HERC3: variants seen among roughly 807,000 people sequenced by gnomAD.
HERC3 encodes probable E3 ubiquitin-protein ligase HERC3.
HERC3 carries 58 observed loss-of-function variants against 129.9 expected under a neutral mutation model. The ratio of observed to expected loss-of-function variants is 0.45; its 90% CI spans 0.36 to 0.56. HERC3 has a LOEUF of 0.56. Among genes scored for constraint, HERC3 ranks in the 20% least tolerant of loss-of-function variants. The probability of loss-of-function intolerance (pLI) is 0.00; values close to 1 mark genes in which losing one functional copy is unlikely to be tolerated. For synonymous variants in HERC3, 430 were observed against 451.0 expected, an observed-to-expected ratio of 0.95 and a Z score of 0.59; for missense variants, 835 against 1,244.2, an observed-to-expected ratio of 0.67 and a Z score of 4.95.
At chr4:88,633,798 A>G (rs1338581201) in intron 3 of HERC3, among the ~76,000 whole-genome samples, 4 of 152,222 alleles carry the variant, frequency 2.6e-5, no homozygotes, top group Non-Finnish European at 5.9e-5. Context: ...TGATATTGGA[A>G]GATTATTAAA....
chr4:88,602,903 C>G (rs1230297098), intron 2 of HERC3, among the ~76,000 whole-genome samples: 1 of 152,214 alleles, frequency 6.6e-6, no homozygotes, highest in Admixed American at 6.5e-5. Context: ...GTTCTCTTAT[C>G]ATGCCTCATC....
At chr4:88,661,683 A>G (rs1234824513) in intron 10 of HERC3, among the ~76,000 whole-genome samples, 1 of 152,232 alleles carries the variant, frequency 6.6e-6, no homozygotes, top group Non-Finnish European at 1.5e-5. Flanking sequence ...TCACTGAATA[A>G]AAGATGTACA....
intron 2 of HERC3, among the ~76,000 whole-genome samples, chr4:88,597,107 T>C (rs1489159495): frequency 6.6e-6 from 1 of 152,264 alleles, no homozygotes; most frequent in Non-Finnish European, 1.5e-5. Context: ...TTTCAAATAA[T>C]GCTGGAATGA....
In HERC3 at chr4:88,663,687, A is replaced by G. The variant is rs112052095; in HGVS notation, c.1272-466A>G. Among the ~76,000 whole-genome samples the G allele has an allele frequency of 6.6e-3, 1,001 of 152,336 alleles. 9 individuals are homozygous for G. Among genetic ancestry groups the G allele is most frequent in the African/African-American group, 0.023 (962 of 41,564 alleles). On this transcript the variant is annotated intron_variant, in intron 11 of 25. Coordinates refer to ENST00000402738, the MANE Select transcript of HERC3 (RefSeq NM_014606.3). ...GCCTGTATAATAGAAGGTAATGGGA[A>G]TAAGCACTTGTTTCACTATTTTTTA...
At chr4:88,591,073 T>G (rs755901099), upstream of HERC3, among the ~76,000 whole-genome samples, 1 of 151,950 alleles carries the variant, frequency 6.6e-6, no homozygotes, top group Non-Finnish European at 1.5e-5. Context: ...TATTTTTTTT[T>G]GTAGAGACAA....
the HERC3 span, among the ~76,000 whole-genome samples, chr4:88,550,747 C>T: frequency 2.7e-5 from 4 of 149,500 alleles, no homozygotes; most frequent in Non-Finnish European, 6.0e-5. Flanking sequence ...CCCCATCAAG[C>T]TACCAATGAC....
chr4:88,610,350 G>C lies in HERC3; in HGVS notation c.226+4301G>C, dbSNP rs190594118. ...TGCCTGTAATCCCAGTTACTCAGGA[G>C]GCTAAGGGAGGAGAATTGCTTGAAC... On this transcript the variant is annotated intron_variant, in intron 3 of 25. Coordinates refer to ENST00000402738, the MANE Select transcript of HERC3 (RefSeq NM_014606.3). Among the ~76,000 whole-genome samples the C allele has an allele frequency of 7.9e-5, 12 of 152,086 alleles. No individual in the cohort carries two copies. In the East Asian group the frequency reaches 2.3e-3, roughly 29 times the overall value.
chr4:88,626,829 C>G (rs1251539510), intron 3 of HERC3, among the ~76,000 whole-genome samples: 1 of 151,812 alleles, frequency 6.6e-6, no homozygotes, highest in African/African-American at 2.4e-5. Flanking sequence ...TTTTATTAAT[C>G]TTTTTAAATA....
the HERC3 span, among the ~76,000 whole-genome samples, chr4:88,568,516 T>C: frequency 6.6e-6 from 1 of 152,036 alleles, no homozygotes; most frequent in African/African-American, 2.4e-5. Flanking sequence ...CTCACTCTTC[T>C]TTTTTCTTTT....
chr4:88,693,761 C>T lies in HERC3; in HGVS notation c.2657+6462C>T, dbSNP rs936712135. 1.3e-5 allele frequency: 10 copies of T among 774,142 alleles called. No individual in the cohort carries two copies. In the South Asian group the frequency reaches 2.4e-4, roughly 18 times the overall value. The allele number at this position is 774,142 out of a possible 1,614,324, so 48.0% of individuals were successfully genotyped here. A position where few individuals can be genotyped will look rare whatever the true frequency, so the allele number is the denominator to read the frequency against. ...TTTTTCACAGTAAGCATCGGCATGC[C>T]AGTTTTCTGCGTAATACTCAGAGAG... On this transcript the variant is annotated intron_variant, in intron 23 of 25. Coordinates refer to ENST00000402738, the MANE Select transcript of HERC3 (RefSeq NM_014606.3).
the HERC3 span, among the ~76,000 whole-genome samples, chr4:88,580,749 T>C: frequency 6.6e-6 from 1 of 152,142 alleles, no homozygotes; most frequent in South Asian, 2.1e-4. Flanking sequence ...CAATTATAAT[T>C]CTCTTCTATG....
chr4:88,649,714 A>G lies in HERC3; in HGVS notation c.227-126A>G, dbSNP rs141037192. 626 of 728,056 alleles carry G rather than the reference A, an allele frequency of 8.6e-4. 1 individual carries two copies. Among genetic ancestry groups the G allele is most frequent in the Non-Finnish European group, 1.3e-3 (568 of 448,388 alleles). The allele number at this position is 728,056 out of a possible 1,614,324, so 45.1% of individuals were successfully genotyped here. On this transcript the variant is annotated intron_variant, in intron 3 of 25. Transcript: ENST00000402738. ...GAAATATGTGAAATTTATAATCTCTATAAATATTCAGATTAAGTGGTTCTT... is the reference window on the plus strand; with the variant it reads ...GAAATATGTGAAATTTATAATCTCTGTAAATATTCAGATTAAGTGGTTCTT...
rs1735895188 is a variant in HERC3 at position 88,707,781 on chromosome 4, A to G, written c.*821A>G. On this transcript the variant is annotated 3_prime_UTR_variant, in exon 26 of 26. Transcript: ENST00000402738. The stretch of plus-strand genomic sequence containing the variant: ...CACTCTCGCTTTTGGAGCAAGTTGC[A>G]TTAACTATTTTGAGTCTCTATATTG... 1 of 152,496 alleles carries G rather than the reference A, an allele frequency of 6.6e-6. No individual in the cohort carries two copies. The highest frequency in any genetic ancestry group is 2.1e-4 in the South Asian group (1 of 4,836). The allele number at this position is 152,496 out of a possible 1,614,324, so 9.4% of individuals were successfully genotyped here.
intron 3 of HERC3, among the ~76,000 whole-genome samples, chr4:88,613,964 T>G (rs1724630380): frequency 6.6e-6 from 1 of 151,820 alleles, no homozygotes; most frequent in African/African-American, 2.4e-5. Flanking sequence ...TCGGAATTTT[T>G]TTTCTGTCTG....
At chr4:88,620,734 C>G (rs1196631140) in intron 3 of HERC3, among the ~76,000 whole-genome samples, 3 of 152,130 alleles carry the variant, frequency 2.0e-5, no homozygotes, top group Admixed American at 2.0e-4. Flanking sequence ...TATGGCTCTT[C>G]CCTGGCATAC....
intron 3 of HERC3, among the ~76,000 whole-genome samples, chr4:88,614,432 T>A (rs1371644878): frequency 7.2e-5 from 11 of 152,186 alleles, no homozygotes; most frequent in Non-Finnish European, 1.6e-4. Flanking sequence ...TACATTTAAT[T>A]TCCACTCAGT....
intron 10 of HERC3, among the ~76,000 whole-genome samples, 200 bp from the exon 11 acceptor site, chr4:88,662,231 T>G (rs1453767368): frequency 2.6e-5 from 4 of 152,084 alleles, no homozygotes; most frequent in Admixed American, 1.3e-4. Context: ...GAAGCAACAG[T>G]CAATGCCAAG....
At chr4:88,706,155 G>A (rs1735760889) in intron 25 of HERC3, among the ~76,000 whole-genome samples, 1 of 152,214 alleles carries the variant, frequency 6.6e-6, no homozygotes. Flanking sequence ...TTATTTGAAA[G>A]TGCTTCTTAA....
chr4:88,546,519 T>G, the HERC3 span, among the ~76,000 whole-genome samples: 1 of 150,268 alleles, frequency 6.7e-6, no homozygotes, highest in Non-Finnish European at 1.5e-5. Flanking sequence ...CTCCTTTCCT[T>G]CCTTCCTTCC....
Sources: gnomAD v4.1 joint callset for allele counts (sites outside exome capture counted in the v4.1 genomes callset) on GRCh38, gnomAD v4.1.1 for gene constraint, MANE v1.5 for transcripts, NCBI Gene and HGNC (gene_info 2026-07-23, HGNC 2026-07-21) for gene names.